ROBO2: variants seen among roughly 807,000 people sequenced by gnomAD.
ROBO2 encodes roundabout guidance receptor 2.
A neutral mutation model predicts 160.8 loss-of-function variants in ROBO2; 53 were observed. That is an observed-to-expected ratio of 0.33 (90% CI 0.26 to 0.41). The LOEUF (loss-of-function observed/expected upper bound fraction) is 0.41, where lower values mean the gene tolerates loss of function less well. Among genes scored for constraint, ROBO2 ranks in the 10% least tolerant of loss-of-function variants. The pLI is 1.00. For synonymous variants in ROBO2, 664 were observed against 611.7 expected (o/e 1.09, Z -1.26); for missense variants, 1,577 against 1,722.4 (o/e 0.92, Z 1.49).
At chr3:77,024,720 G>A (rs2062853337) in intron 2 of ROBO2, among the ~76,000 whole-genome samples, 1 of 152,110 alleles carries the variant, frequency 6.6e-6, no homozygotes, top group Non-Finnish European at 1.5e-5. Context: ...CAAATGAAGA[G>A]AGAAAATAAA....
chr3:76,350,456 T>C (rs575191782), intron 2 of ROBO2, among the ~76,000 whole-genome samples: 6 of 152,108 alleles, frequency 3.9e-5, no homozygotes, highest in Non-Finnish European at 7.4e-5. Flanking sequence ...AGAAAGTTTA[T>C]TTCCATTATA....
intron 2 of ROBO2, among the ~76,000 whole-genome samples, chr3:76,175,864 T>C (rs779828824): frequency 4.6e-5 from 7 of 152,188 alleles, no homozygotes; most frequent in Non-Finnish European, 1.0e-4. Flanking sequence ...ATATGCTTTC[T>C]GGGCAAGAGA....
intron 2 of ROBO2, among the ~76,000 whole-genome samples, chr3:77,467,064 G>A (rs1321241656): frequency 6.6e-6 from 1 of 152,136 alleles, no homozygotes; most frequent in African/African-American, 2.4e-5. Context: ...GGACTAATAA[G>A]GTGGGAGGAG....
intron 2 of ROBO2, among the ~76,000 whole-genome samples, chr3:77,331,650 G>A (rs1224178311): frequency 6.6e-6 from 1 of 151,796 alleles, no homozygotes; most frequent in Admixed American, 6.6e-5. Flanking sequence ...TGAATTAAAG[G>A]TTACTACCAC....
At chr3:77,505,555 A>AT (rs1327647795) in intron 5 of ROBO2, among the ~76,000 whole-genome samples, 15 of 152,072 alleles carry the variant, frequency 9.9e-5, no homozygotes, top group Non-Finnish European at 1.8e-4. Flanking sequence ...ATTTAGTAGT[A>AT]TTTTTTCTCT....
At chr3:76,425,312 A>C (rs2076167882) in intron 2 of ROBO2, among the ~76,000 whole-genome samples, 1 of 152,126 alleles carries the variant, frequency 6.6e-6, no homozygotes, top group Admixed American at 6.6e-5. Context: ...GATATACTAA[A>C]GTTATTCATC....
intron 2 of ROBO2, among the ~76,000 whole-genome samples, chr3:76,506,595 T>C (rs2080810880): frequency 6.6e-6 from 1 of 152,352 alleles, no homozygotes; most frequent in East Asian, 1.9e-4. Flanking sequence ...ATTTCCCTTA[T>C]TCTTTGTACC....
intron 2 of ROBO2, among the ~76,000 whole-genome samples, chr3:76,771,738 A>C (rs2061918462): frequency 6.6e-6 from 1 of 151,274 alleles, no homozygotes; most frequent in Admixed American, 6.6e-5. Flanking sequence ...AATATTTTAA[A>C]ATTTGCTTTT....
chr3:76,474,929 A>T lies in ROBO2; in HGVS notation c.109+537327A>T, dbSNP rs193214001. 4.0e-3 allele frequency among the ~76,000 whole-genome samples: 607 copies of T among 152,192 alleles called. 7 individuals are homozygous for T. The highest frequency in any genetic ancestry group is 5.1e-3 in the Non-Finnish European group (344 of 68,004). ...CACAGGCTATGGGCATGTGCTTCTC[A>T]TGGCAACGTCAGAAACGCAAGATAA... On this transcript the variant is annotated intron_variant, in intron 2 of 26. Coordinates refer to the ROBO2 transcript ENST00000487694.
intron 2 of ROBO2, among the ~76,000 whole-genome samples, chr3:77,375,447 T>C (rs1315944637): frequency 1.3e-5 from 2 of 152,230 alleles, no homozygotes; most frequent in Non-Finnish European, 2.9e-5. Context: ...TCACTTTTAG[T>C]GCTTTCCAAA....
At chr3:77,512,640 A>G (rs978784447) in intron 5 of ROBO2, among the ~76,000 whole-genome samples, 4 of 151,966 alleles carry the variant, frequency 2.6e-5, no homozygotes, top group Admixed American at 2.6e-4. Flanking sequence ...ACATTACACT[A>G]TGTGACATTT....
At chr3:76,264,434 C>T (rs980502) in intron 2 of ROBO2, among the ~76,000 whole-genome samples, 107,305 of 151,492 alleles carry the variant, frequency 0.71, 41,630 homozygotes, top group Non-Finnish European at 0.89. Flanking sequence ...CTTTATAGTA[C>T]ATTTTCTTGC....
intron 2 of ROBO2, among the ~76,000 whole-genome samples, chr3:76,557,220 C>T (rs2083850759): frequency 6.6e-6 from 1 of 152,088 alleles, no homozygotes; most frequent in Admixed American, 6.5e-5. Context: ...ACAATTTCTC[C>T]CCCTTTCCAA....
At chr3:76,506,122 G>A (rs566154115) in intron 2 of ROBO2, among the ~76,000 whole-genome samples, 148 of 152,270 alleles carry the variant, frequency 9.7e-4, no homozygotes, top group African/African-American at 3.2e-3. Context: ...TAGTTCAACA[G>A]CCCTCGGTGA....
chr3:76,161,825 T>G (rs932927405), intron 2 of ROBO2, among the ~76,000 whole-genome samples: 1 of 152,170 alleles, frequency 6.6e-6, no homozygotes, highest in Non-Finnish European at 1.5e-5. Flanking sequence ...AACTCTGAAT[T>G]CCACAAGAGG....
In ROBO2 at chr3:77,513,860, G is replaced by A. The variant is rs554299009; in HGVS notation, c.807-8915G>A. Among the ~76,000 whole-genome samples the A allele has an allele frequency of 4.6e-5, 7 of 151,810 alleles. No homozygotes were observed. The South Asian group carries it at 1.5e-3, about 31-fold the overall frequency. On this transcript the variant is annotated intron_variant, in intron 5 of 25. Coordinates refer to ENST00000461745, the Ensembl canonical transcript of ROBO2. ...AAATCTGATTGGGTTGCATTTTTCA[G>A]CAGTGTTTCATATCAGAAAAAATAA...
chr3:76,888,240 C>T (rs1166986), intron 2 of ROBO2, among the ~76,000 whole-genome samples: 20,610 of 151,950 alleles, frequency 0.14, 1,792 homozygotes, highest in Middle Eastern at 0.22. Context: ...TAGTGGTGCA[C>T]GCCTGTAATC....
intron 2 of ROBO2, among the ~76,000 whole-genome samples, chr3:77,274,880 G>GT (rs1179670020): frequency 6.6e-6 from 1 of 151,988 alleles, no homozygotes; most frequent in African/African-American, 2.4e-5. Flanking sequence ...TACTTTAGAG[G>GT]TTTTTTAAAG....
At chr3:76,702,315 C>A (rs1422823587) in intron 2 of ROBO2, among the ~76,000 whole-genome samples, 4 of 151,986 alleles carry the variant, frequency 2.6e-5, no homozygotes, top group Admixed American at 2.6e-4. Flanking sequence ...CAATTAAAAT[C>A]TTTCTAACCT....
Sources: gnomAD v4.1 joint callset for allele counts (sites outside exome capture counted in the v4.1 genomes callset) on GRCh38, gnomAD v4.1.1 for gene constraint, MANE v1.5 for transcripts, NCBI Gene and HGNC (gene_info 2026-07-23, HGNC 2026-07-21) for gene names.